FOXP2: variants seen among roughly 807,000 people sequenced by gnomAD.
FOXP2 encodes forkhead box P2.
Under a neutral mutation model 115.8 loss-of-function variants are expected in FOXP2, and 12 were observed. The observed-to-expected ratio is 0.10, with a 90% confidence interval of 0.07 to 0.17. The LOEUF (loss-of-function observed/expected upper bound fraction) is 0.17. Ranked by LOEUF, FOXP2 falls within the 10% of genes least tolerant of loss-of-function variation. The probability of loss-of-function intolerance (pLI) is 1.00; values close to 1 mark genes in which losing one functional copy is unlikely to be tolerated. For synonymous variants in FOXP2, 328 were observed against 297.7 expected, an observed-to-expected ratio of 1.10 and a Z score of -1.05; for missense variants, 629 against 843.5, an observed-to-expected ratio of 0.75 and a Z score of 3.15.
intron 1 of FOXP2, among the ~76,000 whole-genome samples, chr7:114,131,309 C>G (rs1182328209): frequency 6.6e-6 from 1 of 152,132 alleles, no homozygotes; most frequent in Non-Finnish European, 1.5e-5. Context: ...TTTGTTAAGA[C>G]CAAGTATTAT....
At chr7:114,669,777 A>G (rs1051365604) in intron 16 of FOXP2, 14 of 151,956 alleles carry the variant, frequency 9.2e-5, no homozygotes, top group Non-Finnish European at 1.3e-4. Context: ...CTACTTCCCA[A>G]CCTAAGGCAA....
At chr7:114,264,340 T>C (rs1795842298) in intron 1 of FOXP2, among the ~76,000 whole-genome samples, 1 of 152,168 alleles carries the variant, frequency 6.6e-6, no homozygotes, top group Non-Finnish European at 1.5e-5. Context: ...GGATTCTTAT[T>C]TTAAAAGTGT....
chr7:114,416,202 G>A (rs969217621), intron 1 of FOXP2: 6 of 151,978 alleles, frequency 3.9e-5, no homozygotes, highest in African/African-American at 1.4e-4. Context: ...GATGACAACT[G>A]AAAATGATAG....
intron 16 of FOXP2, among the ~76,000 whole-genome samples, chr7:114,673,666 C>A (rs1299394540): frequency 6.6e-6 from 1 of 152,026 alleles, no homozygotes; most frequent in Non-Finnish European, 1.5e-5. Context: ...GTTTCACTGA[C>A]CTTTACCCAC....
Position 114,692,179 on chromosome 7 carries a change from A to T in FOXP2, c.*2253A>T, listed in dbSNP as rs73210755. ...AAATGGGTCTTTCAGGTGCATGTTC[A>T]AAAGGCTTTGAGGGACTGGAAGTAA... On this transcript the variant is annotated 3_prime_UTR_variant, in exon 17 of 17. Coordinates refer to ENST00000350908, the MANE Select transcript of FOXP2 (RefSeq NM_014491.4). The T allele has an allele frequency of 0.011, 5,206 of 453,910 alleles. 56 individuals are homozygous for T. The highest frequency in any genetic ancestry group is 0.036 in the Middle Eastern group (52 of 1,444). The allele number at this position is 453,910 out of a possible 1,614,324, so 28.1% of individuals were successfully genotyped here.
At chr7:114,238,827 A>T (rs61106006) in intron 1 of FOXP2, among the ~76,000 whole-genome samples, 1 of 151,624 alleles carries the variant, frequency 6.6e-6, no homozygotes, top group Non-Finnish European at 1.5e-5. Flanking sequence ...AACCTCTGTA[A>T]TAATATATTC....
At chr7:114,622,442 T>G (rs1314123750) in intron 3 of FOXP2, among the ~76,000 whole-genome samples, 2 of 151,918 alleles carry the variant, frequency 1.3e-5, no homozygotes, top group Non-Finnish European at 2.9e-5. Context: ...GAGCAATTAC[T>G]TCTCTGCTTT....
chr7:114,395,574 G>A (rs978346164), intron 2 of FOXP2, among the ~76,000 whole-genome samples: 9 of 152,152 alleles, frequency 5.9e-5, no homozygotes, highest in East Asian at 1.9e-4. Context: ...GTGTAAGAGA[G>A]CCTCATACCC....
chr7:114,103,429 T>C (rs550232960), intron 1 of FOXP2, among the ~76,000 whole-genome samples: 5 of 152,208 alleles, frequency 3.3e-5, no homozygotes, highest in African/African-American at 1.2e-4. Context: ...TTCTGGTATT[T>C]ATTTATTTTT....
intron 2 of FOXP2, among the ~76,000 whole-genome samples, chr7:114,520,991 G>T (rs1241156344): frequency 6.6e-6 from 1 of 152,070 alleles, no homozygotes; most frequent in Non-Finnish European, 1.5e-5. Flanking sequence ...ACAAAAATGG[G>T]AAAAGTCTAA....
At chr7:114,323,454 C>T (rs1797478898) in intron 2 of FOXP2, among the ~76,000 whole-genome samples, 1 of 151,822 alleles carries the variant, frequency 6.6e-6, no homozygotes, top group African/African-American at 2.4e-5. Flanking sequence ...AGGGAGGATG[C>T]ATTAATAGAT....
At chr7:114,483,341 G>A (rs1198452133) in intron 2 of FOXP2, among the ~76,000 whole-genome samples, 1 of 151,392 alleles carries the variant, frequency 6.6e-6, no homozygotes, top group Non-Finnish European at 1.5e-5. Flanking sequence ...CTTCAATCTT[G>A]CATATCCTCC....
chr7:114,291,960 A>T lies in FOXP2; in HGVS notation c.-11+3851A>T, dbSNP rs202173312. On this transcript the variant is annotated intron_variant, in intron 2 of 17. Coordinates refer to the FOXP2 transcript ENST00000634411. ...AATATATATTATAGATAATATATAG[A>T]ATATATATTATAGATAATATATAGA... Among the ~76,000 whole-genome samples, 16 of 53,082 alleles carry T rather than the reference A, an allele frequency of 3.0e-4. No homozygotes were observed. The East Asian group carries it at 3.5e-3, about 12-fold the overall frequency. The allele number at this position is 53,082 out of a possible 152,430, so 34.8% of individuals were successfully genotyped here. A position where few individuals can be genotyped will look rare whatever the true frequency, so the allele number is the denominator to read the frequency against.
At chr7:114,616,581 G>T (rs1030964667) in intron 3 of FOXP2, among the ~76,000 whole-genome samples, 4 of 152,112 alleles carry the variant, frequency 2.6e-5, no homozygotes, top group Non-Finnish European at 5.9e-5. Context: ...AATTTCAGGG[G>T]TATTCATACT....
At chr7:114,441,943 G>T (rs759625844) in intron 2 of FOXP2, among the ~76,000 whole-genome samples, 3 of 152,112 alleles carry the variant, frequency 2.0e-5, no homozygotes, top group Non-Finnish European at 4.4e-5. Flanking sequence ...TTAGAAAATA[G>T]TTTGGCTGTA....
At position 114,533,780 on chromosome 7, in the gene FOXP2, G is replaced by T. The variant is rs17137082; in HGVS notation, c.169-837G>T. 1.3e-3 allele frequency among the ~76,000 whole-genome samples: 202 copies of T among 151,938 alleles called. 4 individuals carry two copies. The East Asian group carries it at 0.026, about 20-fold the overall frequency. Reference sequence around the variant, plus strand: ...TTAGTGTATACTCCTACCTTTAGAAGAATTTACTATGCATTTTGGTCTATG... The same window carrying T: ...TTAGTGTATACTCCTACCTTTAGAATAATTTACTATGCATTTTGGTCTATG... On this transcript the variant is annotated intron_variant, in intron 2 of 16. Coordinates refer to ENST00000350908, the MANE Select transcript of FOXP2 (RefSeq NM_014491.4).
intron 1 of FOXP2, among the ~76,000 whole-genome samples, chr7:114,208,817 G>C (rs546383165): frequency 3.4e-4 from 52 of 152,196 alleles, no homozygotes; most frequent in Non-Finnish European, 5.1e-4. Context: ...GACATGACTT[G>C]CTCCTCTTTG....
chr7:114,535,976 A>G (rs1175451107), intron 3 of FOXP2, among the ~76,000 whole-genome samples: 1 of 151,556 alleles, frequency 6.6e-6, no homozygotes, highest in Non-Finnish European at 1.5e-5. Context: ...CCTCACCATC[A>G]TATTCTTCCC....
chr7:114,629,516 T>C, intron 4 of FOXP2: 2 of 1,270,724 alleles, frequency 1.6e-6, no homozygotes, highest in South Asian at 2.6e-5. Flanking sequence ...TCAGTAGGAC[T>C]TCAGATGTAA....
Sources: gnomAD v4.1 joint callset for allele counts (sites outside exome capture counted in the v4.1 genomes callset) on GRCh38, gnomAD v4.1.1 for gene constraint, MANE v1.5 for transcripts, NCBI Gene and HGNC (gene_info 2026-07-23, HGNC 2026-07-21) for gene names.